ZBTB16: variants seen among roughly 807,000 people sequenced by gnomAD.
ZBTB16 encodes the protein zinc finger and BTB domain containing 16, also known as zinc finger and BTB domain-containing protein 16.
A neutral mutation model predicts 56.8 loss-of-function variants in ZBTB16; 8 were observed. The observed-to-expected ratio is 0.14, with a 90% CI of 0.08 to 0.25. The LOEUF (loss-of-function observed/expected upper bound fraction) is 0.25. Among genes scored for constraint, ZBTB16 ranks in the 10% least tolerant of loss-of-function variants. ZBTB16 has a pLI of 1.00. For missense variants in ZBTB16, 625 were observed against 903.0 expected, an observed-to-expected ratio of 0.69 and a Z score of 3.95; for synonymous variants, 363 against 368.5, an observed-to-expected ratio of 0.98 and a Z score of 0.17.
intron 2 of ZBTB16, among the ~76,000 whole-genome samples, chr11:114,088,140 CTT>C (rs10695166): frequency 2.4e-4 from 30 of 123,042 alleles, no homozygotes; most frequent in African/African-American, 6.2e-4. Flanking sequence ...CCAGATACTT[CTT>C]TTTTTTTTTT....
intron 2 of ZBTB16, among the ~76,000 whole-genome samples, chr11:114,107,712 AAT>A (rs1591672777): frequency 6.6e-6 from 1 of 152,198 alleles, no homozygotes; most frequent in African/African-American, 2.4e-5. Flanking sequence ...GGAGATGCAT[AAT>A]ATGTGTCTGA....
chr11:114,068,009 T>G (rs1591635240), intron 2 of ZBTB16, among the ~76,000 whole-genome samples: 1 of 75,322 alleles, frequency 1.3e-5, no homozygotes, highest in Non-Finnish European at 2.6e-5. Context: ...AATGCTATGG[T>G]GGAAAAAAAA....
chr11:114,125,490 G>A (rs781587945), intron 2 of ZBTB16, among the ~76,000 whole-genome samples: 1 of 152,068 alleles, frequency 6.6e-6, no homozygotes, highest in Non-Finnish European at 1.5e-5. Context: ...CTAACTATCC[G>A]ACAACAGGTT....
intron 2 of ZBTB16, among the ~76,000 whole-genome samples, chr11:114,125,186 G>A (rs1565638516): frequency 6.6e-6 from 1 of 152,218 alleles, no homozygotes; most frequent in Non-Finnish European, 1.5e-5. Context: ...AGAATTAACA[G>A]TATTCCTTAT....
rs1388579203 is a variant in ZBTB16 at position 114,254,437 on chromosome 11, A to T, written c.*3882A>T. Among the ~76,000 whole-genome samples, 4 of 152,194 alleles carry T rather than the reference A, an allele frequency of 2.6e-5. No homozygotes were observed. The highest frequency in any genetic ancestry group is 9.6e-5 in the African/African-American group (4 of 41,454). Reference sequence around the variant, plus strand: ...AACTGCTGCAATTTTTCACAAGTGTATGGTACCTTTCTGGATGCTATTGGT... The same window carrying T: ...AACTGCTGCAATTTTTCACAAGTGTTTGGTACCTTTCTGGATGCTATTGGT... On this transcript the variant is annotated 3_prime_UTR_variant, in exon 7 of 7. Transcript: ENST00000335953.
At chr11:114,139,005 T>C (rs1163442972) in intron 2 of ZBTB16, among the ~76,000 whole-genome samples, 2 of 152,154 alleles carry the variant, frequency 1.3e-5, no homozygotes, top group South Asian at 2.1e-4. Context: ...CCCTTCCTCT[T>C]ACAAGGCTCC....
At chr11:114,100,986 C>T (rs117157911) in intron 2 of ZBTB16, among the ~76,000 whole-genome samples, 2 of 151,748 alleles carry the variant, frequency 1.3e-5, no homozygotes, top group African/African-American at 2.4e-5. Context: ...TGGCCAGGAG[C>T]GTTGCAAGCT....
chr11:114,064,863 T>C lies in ZBTB16; in HGVS notation c.1268+295T>C, dbSNP rs1939054635. ...GCCCCTGTTTGTTTTTTCGGCTGTT[T>C]GGTCTGTTCTCCTTTGCTTGGAGTG... is the stretch of plus-strand genomic sequence containing the variant. On this transcript the variant is annotated intron_variant, in intron 2 of 6. Transcript: ENST00000335953. This position sits in a 1 kb window ranked among gnomAD's most constrained non-coding sequence, Gnocchi z 4.2. Among the ~76,000 whole-genome samples the C allele has an allele frequency of 6.6e-6, 1 of 152,148 alleles. No homozygotes were observed. The highest frequency in any genetic ancestry group is 1.5e-5 in the Non-Finnish European group (1 of 68,030).
intron 2 of ZBTB16, among the ~76,000 whole-genome samples, chr11:114,115,452 G>T (rs1010699739): frequency 6.6e-6 from 1 of 151,586 alleles, no homozygotes; most frequent in East Asian, 2.0e-4. Flanking sequence ...ACATCGGCAG[G>T]TGTTGGTTTT....
intron 2 of ZBTB16, among the ~76,000 whole-genome samples, chr11:114,076,874 C>T (rs529476249): frequency 3.3e-5 from 5 of 152,094 alleles, no homozygotes; most frequent in Non-Finnish European, 7.4e-5. Context: ...TAATTATCCA[C>T]TATTTTACTT....
intron 2 of ZBTB16, among the ~76,000 whole-genome samples, chr11:114,093,869 T>C (rs1940283768): frequency 6.6e-6 from 1 of 152,244 alleles, no homozygotes; most frequent in Non-Finnish European, 1.5e-5. Context: ...ACATGTCATA[T>C]GCAACTGTTG....
At chr11:114,182,673 G>A (rs1943276403) in intron 3 of ZBTB16, among the ~76,000 whole-genome samples, 1 of 152,190 alleles carries the variant, frequency 6.6e-6, no homozygotes, top group African/African-American at 2.4e-5. Flanking sequence ...CACCCGCTGT[G>A]TTCAGCTGGC....
chr11:114,208,951 T>C, intron 4 of ZBTB16, among the ~76,000 whole-genome samples: 1 of 152,164 alleles, frequency 6.6e-6, no homozygotes, highest in Non-Finnish European at 1.5e-5. Flanking sequence ...CCATTCCAGA[T>C]CCATAACCTC....
At chr11:114,191,239 A>G (rs568667125) in intron 4 of ZBTB16, among the ~76,000 whole-genome samples, 4 of 152,288 alleles carry the variant, frequency 2.6e-5, no homozygotes, top group African/African-American at 9.6e-5. Flanking sequence ...TCCAAACTAT[A>G]TTACACCATA....
At chr11:114,170,057 G>T (rs539555911) in intron 3 of ZBTB16, among the ~76,000 whole-genome samples, 3 of 152,318 alleles carry the variant, frequency 2.0e-5, no homozygotes, top group South Asian at 2.1e-4. Context: ...TGGCCTGGAG[G>T]TTGAGAAACA....
chr11:114,074,998 C>T (rs1182351403), intron 2 of ZBTB16, among the ~76,000 whole-genome samples: 1 of 152,160 alleles, frequency 6.6e-6, no homozygotes, highest in South Asian at 2.1e-4. Flanking sequence ...GTGTTGTGAG[C>T]GTATGTGCCT....
chr11:114,251,473 ACAG>A lies in ZBTB16; in HGVS notation c.*919_*921del, dbSNP rs1944915988. On this transcript the variant is annotated 3_prime_UTR_variant, in exon 7 of 7. Coordinates refer to ENST00000335953, the MANE Select transcript of ZBTB16 (RefSeq NM_006006.6). Reference sequence around the variant, plus strand: ...TACCTAATATCCTACCAAACAAACCACAGTCCCTACGTAGCCCTACTTCAGTCC... The same window carrying A: ...TACCTAATATCCTACCAAACAAACCATCCCTACGTAGCCCTACTTCAGTCC... Among the ~76,000 whole-genome samples the A allele has an allele frequency of 1.3e-5, 2 of 152,128 alleles. No homozygotes were observed. Among genetic ancestry groups the A allele is most frequent in the South Asian group, 4.1e-4 (2 of 4,824 alleles).
intron 4 of ZBTB16, among the ~76,000 whole-genome samples, chr11:114,234,756 T>C (rs955641260): frequency 1.3e-5 from 2 of 152,158 alleles, no homozygotes; most frequent in Non-Finnish European, 2.9e-5. Context: ...TCTCCATCCT[T>C]TTAAGATGCA....
rs528342881 is a variant in ZBTB16, at chr11:114,233,066, T to C, written c.1454-9101T>C. Among the ~76,000 whole-genome samples the C allele has an allele frequency of 8.3e-3, 783 of 94,356 alleles. 37 individuals are homozygous for C. Among genetic ancestry groups the C allele is most frequent in the Middle Eastern group, 0.032 (6 of 188 alleles). 61.9% of individuals were successfully genotyped at this position (94,356 alleles called of 152,430 possible). A position where few individuals can be genotyped will look rare whatever the true frequency, so the allele number is the denominator to read the frequency against. On this transcript the variant is annotated intron_variant, in intron 4 of 6. Coordinates refer to ENST00000335953, the MANE Select transcript of ZBTB16 (RefSeq NM_006006.6). ...CCACCCACTCTACTGCACATACGCA[T>C]GCGCGCGCGCGCGCGCACACACACA...
Sources: gnomAD v4.1 joint callset for allele counts (sites outside exome capture counted in the v4.1 genomes callset) on GRCh38, gnomAD v4.1.1 for gene constraint, Gnocchi (gnomAD v3.1) non-coding constraint, MANE v1.5 for transcripts, NCBI Gene and HGNC (gene_info 2026-07-23, HGNC 2026-07-21) for gene names.